Variants in GRK3 observed in about 807,000 individuals in gnomAD.
GRK3 encodes G protein-coupled receptor kinase 3, also known as adrenergic, beta, receptor kinase 2.
GRK3 carries 54 observed loss-of-function variants against 95.7 expected under a neutral mutation model. That is an observed-to-expected ratio of 0.56 (90% CI 0.45 to 0.71). GRK3 has a LOEUF of 0.71. Among genes scored for constraint, GRK3 ranks in the 30% least tolerant of loss-of-function variants. The probability of loss-of-function intolerance (pLI) is 0.00; values close to 1 mark genes in which losing one functional copy is unlikely to be tolerated. For synonymous variants in GRK3, 281 were observed against 290.8 expected, an observed-to-expected ratio of 0.97 and a Z score of 0.34; for missense variants, 649 against 851.2, an observed-to-expected ratio of 0.76 and a Z score of 2.96.
At chr22:25,657,824 T>A (rs569033289) in intron 3 of GRK3, among the ~76,000 whole-genome samples, 143 of 152,252 alleles carry the variant, frequency 9.4e-4, no homozygotes, top group African/African-American at 3.0e-3. Flanking sequence ...TATTTGATAT[T>A]TGGATATTAT....
intron 1 of GRK3, among the ~76,000 whole-genome samples, chr22:25,583,915 A>G (rs565817329): frequency 6.6e-6 from 1 of 152,126 alleles, no homozygotes; most frequent in African/African-American, 2.4e-5. Context: ...CCAAATTTGG[A>G]CAGATTTGGC....
chr22:25,584,504 G>A (rs936971968), intron 1 of GRK3, among the ~76,000 whole-genome samples: 1 of 152,186 alleles, frequency 6.6e-6, no homozygotes, highest in African/African-American at 2.4e-5. Context: ...TATGCCAAAG[G>A]GAAGCTGCAA....
chr22:25,715,051 G>A (rs9608416), intron 18 of GRK3: 70,721 of 152,388 alleles, frequency 0.46, 19,180 homozygotes, highest in Non-Finnish European at 0.61. Context: ...AACTTAGCAC[G>A]ACATGTCACT....
intron 2 of GRK3, among the ~76,000 whole-genome samples, chr22:25,623,250 G>A (rs2084600110): frequency 2.0e-5 from 3 of 152,190 alleles, no homozygotes; most frequent in Admixed American, 6.5e-5. Flanking sequence ...CCATACTTTC[G>A]TAAGTTATTC....
Position 25,722,612 on chromosome 22 carries a change from G to A in GRK3, c.*162G>A. On this transcript the variant is annotated 3_prime_UTR_variant, in exon 21 of 21. Transcript: ENST00000324198. The stretch of plus-strand genomic sequence containing the variant: ...TGGGGTCAGCTCAGCTCCCTGCCTT[G>A]TCACATTTGTCTGCATTAGAAACTA... 1 of 596,420 alleles carries A rather than the reference G, an allele frequency of 1.7e-6. No homozygotes were observed. Among genetic ancestry groups the A allele is most frequent in the Non-Finnish European group, 2.9e-6 (1 of 350,536 alleles). 36.9% of individuals were successfully genotyped at this position (596,420 alleles called of 1,614,324 possible).
At chr22:25,616,854 C>T (rs1427446820) in intron 2 of GRK3, among the ~76,000 whole-genome samples, 1 of 152,156 alleles carries the variant, frequency 6.6e-6, no homozygotes, top group African/African-American at 2.4e-5. Flanking sequence ...GTTTATGCCT[C>T]TTGGAATTAA....
chr22:25,649,573 A>G (rs2084813185), intron 3 of GRK3, among the ~76,000 whole-genome samples: 2 of 152,236 alleles, frequency 1.3e-5, no homozygotes, highest in African/African-American at 4.8e-5. Context: ...TTGCTCAAAG[A>G]AAATTATTTA....
At position 25,686,893 on chromosome 22, in the gene GRK3, C is replaced by T. The variant is rs192877173; in HGVS notation, c.827-644C>T. Among the ~76,000 whole-genome samples the T allele has an allele frequency of 3.5e-3, 539 of 152,316 alleles. 4 individuals carry two copies. The highest frequency in any genetic ancestry group is 5.6e-3 in the Non-Finnish European group (383 of 68,034). ...GGAGTGCAGTGGCGTGATCTTGGCT[C>T]ACTGCAATCTCCACCTTTCAGGTTC... On this transcript the variant is annotated intron_variant, in intron 10 of 20. Transcript: ENST00000324198.
intron 2 of GRK3, 57 bp downstream of exon 2, chr22:25,604,510 A>G: frequency 1.6e-6 from 2 of 1,249,746 alleles, no homozygotes; most frequent in Admixed American, 1.9e-5. Context: ...ATTGGGCGAT[A>G]CTATAGTAAT....
At chr22:25,666,838 A>G (rs1431515787) in intron 5 of GRK3, among the ~76,000 whole-genome samples, 1 of 152,220 alleles carries the variant, frequency 6.6e-6, no homozygotes, top group Admixed American at 6.5e-5. Flanking sequence ...TGAGGGTGCC[A>G]AAATGTTTCC....
At chr22:25,690,814 A>C (rs188430631) in intron 12 of GRK3, among the ~76,000 whole-genome samples, 1 of 150,260 alleles carries the variant, frequency 6.7e-6, no homozygotes, top group East Asian at 2.0e-4. Flanking sequence ...TTTCTTTTTT[A>C]ATTAAAGAAA....
chr22:25,679,676 G>T (rs2085059959), intron 9 of GRK3, among the ~76,000 whole-genome samples: 1 of 152,174 alleles, frequency 6.6e-6, no homozygotes, highest in Non-Finnish European at 1.5e-5. Context: ...CTGTTACAGC[G>T]TGTGTGCACT....
At chr22:25,681,250 C>T (rs16986611) in intron 9 of GRK3, among the ~76,000 whole-genome samples, 3 of 151,988 alleles carry the variant, frequency 2.0e-5, no homozygotes, top group African/African-American at 4.8e-5. Context: ...AGTTCTCATA[C>T]AGCTGCATGG....
At chr22:25,668,696 T>G (rs554236303) in intron 6 of GRK3, among the ~76,000 whole-genome samples, 2 of 152,352 alleles carry the variant, frequency 1.3e-5, no homozygotes, top group Non-Finnish European at 2.9e-5. Context: ...GAGGGTGGGC[T>G]GCTGGCTCAG....
chr22:25,721,144 CCTTA>C, intron 19 of GRK3, 136 bp from the exon 20 acceptor site: 1 of 476,464 alleles, frequency 2.1e-6, no homozygotes, highest in Non-Finnish European at 3.8e-6. Context: ...GCCATTTTCC[CCTTA>C]CTTCTAGAAT....
At chr22:25,678,984 T>C in intron 9 of GRK3, 69 bp downstream of exon 9, 1 of 1,092,158 alleles carries the variant, frequency 9.2e-7, no homozygotes, top group East Asian at 2.5e-5. Context: ...TGATTTATTA[T>C]TTTTCCTTCT....
intron 15 of GRK3, among the ~76,000 whole-genome samples, chr22:25,708,315 G>T (rs1013716739): frequency 1.3e-5 from 2 of 152,160 alleles, no homozygotes; most frequent in African/African-American, 4.8e-5. Flanking sequence ...TGGCCAAGGG[G>T]TGGCTGTGAA....
rs1414810294 is a variant in GRK3 at position 25,727,483 on chromosome 22, G to A, written c.*5033G>A. 6.6e-6 allele frequency: 1 copy of A among 152,260 alleles called. No individual in the cohort carries two copies. Among genetic ancestry groups the A allele is most frequent in the Non-Finnish European group, 1.5e-5 (1 of 68,044 alleles). The allele number at this position is 152,260 out of a possible 1,614,324, so 9.4% of individuals were successfully genotyped here. A position where few individuals can be genotyped will look rare whatever the true frequency, so the allele number is the denominator to read the frequency against. On this transcript the variant is annotated 3_prime_UTR_variant, in exon 21 of 21. Coordinates refer to ENST00000324198, the MANE Select transcript of GRK3 (RefSeq NM_005160.4). The stretch of plus-strand genomic sequence containing the variant: ...CCCCCACAGCTGGCCCAAAGGGGCT[G>A]TCTTTCTGACCTGGCTGTGTTAGCA...
rs573103463 is a variant in GRK3, at chr22:25,667,025, G to A, written c.442-714G>A. Among the ~76,000 whole-genome samples, 126 of 152,310 alleles carry A rather than the reference G, an allele frequency of 8.3e-4. 1 individual carries two copies. Among genetic ancestry groups the A allele is most frequent in the South Asian group, 4.6e-3 (22 of 4,824 alleles). ...GTAGTTGTTCTCCATGAGGGGAAGA[G>A]CACTGTGCATGTGAACCAGGAGCCC... On this transcript the variant is annotated intron_variant, in intron 5 of 20. Coordinates refer to ENST00000324198, the MANE Select transcript of GRK3 (RefSeq NM_005160.4).
Sources: gnomAD v4.1 joint callset for allele counts (sites outside exome capture counted in the v4.1 genomes callset) on GRCh38, gnomAD v4.1.1 for gene constraint, MANE v1.5 for transcripts, NCBI Gene and HGNC (gene_info 2026-07-23, HGNC 2026-07-21) for gene names.